Variants in DNAJC15 observed in about 807,000 individuals in gnomAD.
The protein encoded by DNAJC15 is DnaJ heat shock protein family (Hsp40) member C15.
Under a neutral mutation model 22.4 loss-of-function variants are expected in DNAJC15, and 27 were observed. The observed-to-expected ratio is 1.20, with a 90% CI of 0.89 to 1.66. The LOEUF (loss-of-function observed/expected upper bound fraction) is 1.66. Ranked by LOEUF, DNAJC15 falls within the 40% of genes most tolerant of loss-of-function variation. DNAJC15 has a pLI of 0.00. For synonymous variants in DNAJC15, 79 were observed against 63.2 expected (o/e 1.25, Z -1.19); for missense variants, 208 against 187.1 (o/e 1.11, Z -0.65).
At chr13:43,078,725 C>A in intron 4 of DNAJC15, 37 bp downstream of exon 4, 2 of 1,574,508 alleles carry the variant, frequency 1.3e-6, no homozygotes, top group South Asian at 1.2e-5. Flanking sequence ...TGTTGTGTGG[C>A]CAAGCTTGTC....
At chr13:43,072,964 C>A (rs2040615896) in intron 3 of DNAJC15, among the ~76,000 whole-genome samples, 1 of 152,122 alleles carries the variant, frequency 6.6e-6, no homozygotes, top group Non-Finnish European at 1.5e-5. Context: ...ATTTCTAAAG[C>A]CATTAATTAG....
chr13:43,045,915 G>GT (rs1416185049), intron 1 of DNAJC15, among the ~76,000 whole-genome samples: 1 of 152,124 alleles, frequency 6.6e-6, no homozygotes, highest in Non-Finnish European at 1.5e-5. Context: ...TTGCTAAAAT[G>GT]TACCTTCATG....
rs137937909 is a variant in DNAJC15, at chr13:43,111,126, G to T, written c.*3878G>T. On this transcript the variant is annotated 3_prime_UTR_variant, in exon 6 of 6. Coordinates refer to ENST00000379221, the MANE Select transcript of DNAJC15 (RefSeq NM_013238.3). ...TTTTAGTTGATGGTGCCAGTCTTCA[G>T]CGTAAAGTCAAAAGTGGAGGGAAGT... is the stretch of plus-strand genomic sequence containing the variant. The T allele has an allele frequency of 9.8e-5, 15 of 152,342 alleles. No homozygotes were observed. The East Asian group carries it at 2.9e-3, about 29-fold the overall frequency. The allele number at this position is 152,342 out of a possible 1,614,324, so 9.4% of individuals were successfully genotyped here. A position where few individuals can be genotyped will look rare whatever the true frequency, so the allele number is the denominator to read the frequency against.
At chr13:43,107,030 G>A (rs1023170643) in intron 5 of DNAJC15, 148 bp from the exon 6 acceptor site, 2 of 601,762 alleles carry the variant, frequency 3.3e-6, no homozygotes. Flanking sequence ...AATTTATACT[G>A]TTTTGATTTC....
At chr13:43,060,205 C>T (rs79205658) in intron 1 of DNAJC15, among the ~76,000 whole-genome samples, 2,673 of 152,076 alleles carry the variant, frequency 0.018, 96 homozygotes, top group East Asian at 0.13. Context: ...CGATGTTTCT[C>T]AGGGCTATTC....
chr13:43,034,837 C>A (rs1329445454), intron 1 of DNAJC15, among the ~76,000 whole-genome samples: 1 of 152,198 alleles, frequency 6.6e-6, no homozygotes, highest in Non-Finnish European at 1.5e-5. Context: ...TCTGGCACTA[C>A]ATGGTGCTCT....
intron 5 of DNAJC15, among the ~76,000 whole-genome samples, chr13:43,087,781 C>T (rs1287485784): frequency 6.6e-6 from 1 of 152,178 alleles, no homozygotes; most frequent in African/African-American, 2.4e-5. Flanking sequence ...ATTTCATTAT[C>T]AGCTGTGCAA....
intron 1 of DNAJC15, among the ~76,000 whole-genome samples, chr13:43,063,202 G>A (rs2040567557): frequency 1.3e-5 from 2 of 152,140 alleles, no homozygotes; most frequent in Admixed American, 1.3e-4. Context: ...TAGAGACGGG[G>A]TTTCACCATG....
chr13:43,033,390 C>G (rs954928438), intron 1 of DNAJC15, among the ~76,000 whole-genome samples: 2 of 152,072 alleles, frequency 1.3e-5, no homozygotes, highest in African/African-American at 4.8e-5. Flanking sequence ...GCACTACAGC[C>G]TGGGTGACAG....
intron 1 of DNAJC15, among the ~76,000 whole-genome samples, chr13:43,050,081 G>T (rs1173866888): frequency 1.3e-5 from 2 of 151,996 alleles, no homozygotes; most frequent in Non-Finnish European, 2.9e-5. Flanking sequence ...AACACACCTG[G>T]CTAATTTTTT....
chr13:43,025,903 C>CA (rs981276518), intron 1 of DNAJC15, among the ~76,000 whole-genome samples: 8 of 150,764 alleles, frequency 5.3e-5, no homozygotes, highest in Non-Finnish European at 8.9e-5. Context: ...GACTTTGTCT[C>CA]AAAAAAAAGA....
At chr13:43,035,825 A>G (rs556528285) in intron 1 of DNAJC15, among the ~76,000 whole-genome samples, 2 of 152,052 alleles carry the variant, frequency 1.3e-5, no homozygotes, top group African/African-American at 2.4e-5. Flanking sequence ...GGCTGAAGTG[A>G]TCCTCCCACT....
chr13:43,093,788 GATAAC>G (rs2153441939), intron 5 of DNAJC15, among the ~76,000 whole-genome samples: 1 of 152,122 alleles, frequency 6.6e-6, no homozygotes, highest in Admixed American at 6.5e-5. Flanking sequence ...TATTAGTATA[GATAAC>G]ATAATCTTTA....
At chr13:43,086,955 T>G (rs950020342) in intron 5 of DNAJC15, among the ~76,000 whole-genome samples, 4 of 152,192 alleles carry the variant, frequency 2.6e-5, no homozygotes, top group African/African-American at 9.6e-5. Flanking sequence ...GAGCAAGGGA[T>G]CAGCATTTTT....
At chr13:43,090,554 A>G (rs2040709325) in intron 5 of DNAJC15, among the ~76,000 whole-genome samples, 1 of 152,106 alleles carries the variant, frequency 6.6e-6, no homozygotes, top group African/African-American at 2.4e-5. Flanking sequence ...TAAAGGGGAA[A>G]ATTTTGCCTC....
At chr13:43,071,761 G>A (rs2040610342) in intron 3 of DNAJC15, among the ~76,000 whole-genome samples, 1 of 150,870 alleles carries the variant, frequency 6.6e-6, no homozygotes, top group Non-Finnish European at 1.5e-5. Context: ...AAGTTTCAAC[G>A]GGGGGTCTCT....
In DNAJC15 at chr13:43,076,981, C is replaced by A. The variant is rs2040636755; in HGVS notation, c.235-1631C>A. Among the ~76,000 whole-genome samples, 3 of 152,160 alleles carry A rather than the reference C, an allele frequency of 2.0e-5. No homozygotes were observed. In the South Asian group the frequency reaches 6.2e-4, roughly 32 times the overall value. On this transcript the variant is annotated intron_variant, in intron 3 of 5. Transcript: ENST00000379221. ...TCAGCCTCCTTGACTGATTCCTCTCCATTTCTATACCACAAAGTGTTGCAG... is the reference window on the plus strand; with the variant it reads ...TCAGCCTCCTTGACTGATTCCTCTCAATTTCTATACCACAAAGTGTTGCAG...
intron 1 of DNAJC15, among the ~76,000 whole-genome samples, chr13:43,046,608 G>C (rs764995699): frequency 1.3e-5 from 2 of 152,178 alleles, no homozygotes; most frequent in Non-Finnish European, 2.9e-5. Context: ...GAGAGCACAG[G>C]GGGAGGGGCA....
chr13:43,075,531 G>A (rs1377051237), intron 3 of DNAJC15, among the ~76,000 whole-genome samples: 4 of 152,084 alleles, frequency 2.6e-5, no homozygotes, highest in African/African-American at 9.7e-5. Flanking sequence ...AACAAAAGTA[G>A]GAGCAAATAT....
Sources: allele counts gnomAD v4.1 joint callset (sites outside exome capture counted in the v4.1 genomes callset), GRCh38; gene constraint gnomAD v4.1.1; transcripts MANE v1.5; gene names NCBI Gene and HGNC (gene_info 2026-07-23, HGNC 2026-07-21).